The following MAGI2 variants were observed in gnomAD, a reference collection of about 807,000 sequenced individuals.
MAGI2 encodes membrane-associated guanylate kinase, WW and PDZ domain-containing protein 2.
Under a neutral mutation model 133.3 loss-of-function variants are expected in MAGI2, and 35 were observed. The observed-to-expected ratio is 0.26, with a 90% CI of 0.20 to 0.35. MAGI2 has a LOEUF of 0.35. Among genes scored for constraint, MAGI2 ranks in the 10% least tolerant of loss-of-function variants. MAGI2 has a pLI of 1.00. For synonymous variants in MAGI2, 729 were observed against 710.6 expected (o/e 1.03, Z -0.41); for missense variants, 1,636 against 1,863.4 (o/e 0.88, Z 2.25).
intron 2 of MAGI2, among the ~76,000 whole-genome samples, chr7:78,674,232 CA>C (rs1431633513): frequency 2.5e-5 from 3 of 122,376 alleles, no homozygotes; most frequent in Non-Finnish European, 5.3e-5. Flanking sequence ...AATAGCAAAG[CA>C]TTTTTTTTTT....
intron 6 of MAGI2, among the ~76,000 whole-genome samples, chr7:78,413,862 A>G (rs775257258): frequency 3.9e-5 from 6 of 152,008 alleles, no homozygotes; most frequent in Non-Finnish European, 5.9e-5. Context: ...TTCAGTGGAA[A>G]ATGGGAAAAC....
intron 6 of MAGI2, among the ~76,000 whole-genome samples, chr7:78,436,443 G>A (rs1162511007): frequency 6.6e-6 from 1 of 152,092 alleles, no homozygotes; most frequent in Non-Finnish European, 1.5e-5. Flanking sequence ...ATTCTACCTG[G>A]AACCATTATT....
chr7:78,491,408 C>A (rs1213421231), intron 5 of MAGI2, among the ~76,000 whole-genome samples: 1 of 152,042 alleles, frequency 6.6e-6, no homozygotes, highest in Non-Finnish European at 1.5e-5. Flanking sequence ...GTTTCTGCTC[C>A]TGAAGAAGAC....
intron 1 of MAGI2, among the ~76,000 whole-genome samples, chr7:79,250,735 G>GA (rs535827562): frequency 2.5e-4 from 37 of 149,822 alleles, no homozygotes; most frequent in African/African-American, 4.4e-4. Context: ...ACAGAAATAG[G>GA]AAAAAAAAAT....
chr7:78,345,824 T>C, intron 8 of MAGI2, 98 bp downstream of exon 8: 1 of 1,527,102 alleles, frequency 6.5e-7, no homozygotes, highest in Non-Finnish European at 8.8e-7. Context: ...AGCAAATCAA[T>C]TTTTCAAAAT....
chr7:79,430,600 G>A (rs552051012), intron 1 of MAGI2, among the ~76,000 whole-genome samples: 5 of 152,204 alleles, frequency 3.3e-5, no homozygotes, highest in South Asian at 2.1e-4. Flanking sequence ...CACCAAGCAC[G>A]GATTACACAA....
At position 78,274,941 on chromosome 7, in the gene MAGI2, C is replaced by T. The variant is rs1010943332; in HGVS notation, c.1409-18360G>A. Reference sequence around the variant, plus strand: ...CCTGGCCTCAGCCTCTTTTCCTTTCCAGGGGAGTGAATGGTTCTGTCTTGC... The same window carrying T: ...CCTGGCCTCAGCCTCTTTTCCTTTCTAGGGGAGTGAATGGTTCTGTCTTGC... On this transcript the variant is annotated intron_variant, in intron 9 of 21. Coordinates refer to ENST00000354212, the MANE Select transcript of MAGI2 (RefSeq NM_012301.4). 2.6e-5 allele frequency among the ~76,000 whole-genome samples: 4 copies of T among 152,060 alleles called. No homozygotes were observed. In the East Asian group the frequency reaches 5.8e-4, roughly 22 times the overall value.
At chr7:78,699,920 G>C (rs902766724) in intron 2 of MAGI2, among the ~76,000 whole-genome samples, 2 of 152,032 alleles carry the variant, frequency 1.3e-5, no homozygotes, top group African/African-American at 2.4e-5. Flanking sequence ...ACAAAATAAT[G>C]TAAGTCCCCC....
intron 3 of MAGI2, among the ~76,000 whole-genome samples, chr7:78,602,870 A>G (rs1805359935): frequency 6.6e-6 from 1 of 152,242 alleles, no homozygotes; most frequent in Non-Finnish European, 1.5e-5. Context: ...ATTATTGCAT[A>G]GACTTTGTTT....
chr7:79,038,120 T>G (rs1811289470), intron 1 of MAGI2, among the ~76,000 whole-genome samples: 1 of 152,198 alleles, frequency 6.6e-6, no homozygotes, highest in Non-Finnish European at 1.5e-5. Context: ...TTAAAGGTTT[T>G]CAGGTGACAG....
intron 5 of MAGI2, among the ~76,000 whole-genome samples, chr7:78,501,327 G>A (rs544024946): frequency 6.6e-6 from 1 of 152,070 alleles, no homozygotes; most frequent in African/African-American, 2.4e-5. Flanking sequence ...ATGGAGATTT[G>A]TCTTTTTTAG....
intron 1 of MAGI2, among the ~76,000 whole-genome samples, chr7:79,063,150 A>G (rs778029866): frequency 6.6e-6 from 1 of 152,070 alleles, no homozygotes; most frequent in Non-Finnish European, 1.5e-5. Flanking sequence ...TTTCTGTAAG[A>G]CTGGGCTGAT....
chr7:79,112,584 A>AT (rs1449696777), intron 1 of MAGI2, among the ~76,000 whole-genome samples: 6 of 152,256 alleles, frequency 3.9e-5, no homozygotes, highest in Admixed American at 3.3e-4. Flanking sequence ...GACTATTGTT[A>AT]TAATCCAAAT....
chr7:79,313,653 G>A (rs183146909), intron 1 of MAGI2, among the ~76,000 whole-genome samples: 69 of 152,088 alleles, frequency 4.5e-4, no homozygotes, highest in African/African-American at 1.5e-3. Flanking sequence ...CTATTTGTTC[G>A]TTTATAAAAG....
chr7:78,452,995 A>T (rs2160320), intron 6 of MAGI2, among the ~76,000 whole-genome samples: 102,208 of 151,626 alleles, frequency 0.67, 36,512 homozygotes, highest in Non-Finnish European at 0.79. Context: ...AATTTTTGAA[A>T]TTTTTTTTAC....
intron 1 of MAGI2, among the ~76,000 whole-genome samples, chr7:79,142,188 G>T (rs1822204820): frequency 6.6e-6 from 1 of 152,074 alleles, no homozygotes; most frequent in African/African-American, 2.4e-5. Flanking sequence ...ATTTCATGTG[G>T]TAAATTCACA....
intron 1 of MAGI2, among the ~76,000 whole-genome samples, chr7:79,443,518 A>T (rs990808152): frequency 6.6e-6 from 1 of 152,214 alleles, no homozygotes; most frequent in African/African-American, 2.4e-5. Flanking sequence ...AGATTTGACA[A>T]GTTTAGGGTA....
chr7:79,138,348 C>T (rs1821787232), intron 1 of MAGI2, among the ~76,000 whole-genome samples: 1 of 152,142 alleles, frequency 6.6e-6, no homozygotes, highest in African/African-American at 2.4e-5. Context: ...ATTTGAGACC[C>T]TCTTCTTTAA....
intron 6 of MAGI2, among the ~76,000 whole-genome samples, chr7:78,453,985 G>A (rs10953565): frequency 0.2 from 29,682 of 151,824 alleles, 3,573 homozygotes; most frequent in African/African-American, 0.32. Flanking sequence ...TGATAAAATC[G>A]GGATAATTGG....
Sources: gnomAD v4.1 joint callset for allele counts (sites outside exome capture counted in the v4.1 genomes callset) on GRCh38, gnomAD v4.1.1 for gene constraint, MANE v1.5 for transcripts, NCBI Gene and HGNC (gene_info 2026-07-23, HGNC 2026-07-21) for gene names.